Variants in BATF2 observed in about 807,000 individuals in gnomAD.
BATF2 encodes basic leucine zipper ATF-like transcription factor 2.
In BATF2, 4 loss-of-function variants were observed where a neutral mutation model predicts 7.3. The observed-to-expected ratio is 0.55, with a 90% CI of 0.27 to 1.26. The LOEUF is 1.26. BATF2 is among the 50% of genes most tolerant of loss of function. The probability of loss-of-function intolerance (pLI) is 0.11; values close to 1 mark genes in which losing one functional copy is unlikely to be tolerated. For synonymous variants in BATF2, 152 were observed against 153.9 expected, an observed-to-expected ratio of 0.99 and a Z score of 0.09; for missense variants, 295 against 340.5, an observed-to-expected ratio of 0.87 and a Z score of 1.05.
intron 2 of BATF2, among the ~76,000 whole-genome samples, chr11:64,991,176 A>G (rs911043818): frequency 3.9e-5 from 4 of 102,508 alleles, no homozygotes; most frequent in East Asian, 2.8e-4. Flanking sequence ...TTTTTTTTTG[A>G]GACAGAGTTT....
intron 1 of BATF2, among the ~76,000 whole-genome samples, chr11:64,995,874 G>A (rs1406816844): frequency 3.3e-5 from 5 of 152,218 alleles, no homozygotes; most frequent in South Asian, 2.1e-4. Context: ...CAGGACCCAC[G>A]GTGAGTGAAG....
intron 1 of BATF2, among the ~76,000 whole-genome samples, chr11:64,996,622 A>T (rs7115455): frequency 0.13 from 19,601 of 152,214 alleles, 1,591 homozygotes; most frequent in East Asian, 0.26. Context: ...GGAGAGAGCA[A>T]GTACACAGAG....
intron 1 of BATF2, among the ~76,000 whole-genome samples, chr11:64,996,590 T>C (rs527435675): frequency 2.0e-5 from 3 of 152,214 alleles, no homozygotes; most frequent in African/African-American, 7.2e-5. Flanking sequence ...GTGAGTGTAG[T>C]GAGGGGGGAC....
Position 64,989,005 on chromosome 11 carries a change from G to T in BATF2, c.*124C>A. The T allele has an allele frequency of 1.8e-6, 2 of 1,107,820 alleles. No individual in the cohort carries two copies. Among genetic ancestry groups the T allele is most frequent in the South Asian group, 1.4e-5 (1 of 72,986 alleles). The allele number at this position is 1,107,820 out of a possible 1,614,324, so 68.6% of individuals were successfully genotyped here. ...ATCAGTGGTGGCTTCCTTTTCGACT[G>T]TGAAATCCTGGGCCAGCTGGTCAGC... On this transcript the variant is annotated 3_prime_UTR_variant, in exon 3 of 3. Coordinates refer to ENST00000301887, the MANE Select transcript of BATF2 (RefSeq NM_138456.4). This position sits in a 1 kb window ranked among gnomAD's most constrained non-coding sequence, Gnocchi z 4.3.
intron 2 of BATF2, among the ~76,000 whole-genome samples, chr11:64,992,822 C>A (rs761097729): frequency 2.0e-5 from 3 of 149,414 alleles, no homozygotes; most frequent in Non-Finnish European, 4.4e-5. Context: ...GGATCGTGGA[C>A]TGCACTCTAG....
intron 2 of BATF2, among the ~76,000 whole-genome samples, chr11:64,992,866 A>T (rs994475948): frequency 6.6e-6 from 1 of 151,720 alleles, no homozygotes; most frequent in Non-Finnish European, 1.5e-5. Context: ...CTCAAAAAAA[A>T]AAAAGGAAGA....
chr11:64,991,359 G>A (rs140124742), intron 2 of BATF2, among the ~76,000 whole-genome samples: 2,483 of 151,672 alleles, frequency 0.016, 61 homozygotes, highest in African/African-American at 0.057. Flanking sequence ...GTTTCACCAT[G>A]TTGGTCAGGC....
rs1590719976 is a variant in BATF2, at chr11:64,989,917, A to G, written c.142-105T>C. 6.9e-7 allele frequency: 1 copy of G among 1,457,474 alleles called. No homozygotes were observed. Among genetic ancestry groups the G allele is most frequent in the Non-Finnish European group, 9.4e-7 (1 of 1,064,826 alleles). The allele number at this position is 1,457,474 out of a possible 1,614,324, so 90.3% of individuals were successfully genotyped here. ...TCCTCAACTTCAGGAGAAAGATGCC[A>G]CCACCATTGGAATAGCCAAGTGGGG... On this transcript the variant is annotated intron_variant, in intron 2 of 2. Coordinates refer to ENST00000301887, the MANE Select transcript of BATF2 (RefSeq NM_138456.4). This position sits in a 1 kb window ranked among gnomAD's most constrained non-coding sequence, Gnocchi z 4.3.
At chr11:64,991,599 A>AATTTCAAT (rs1441910153) in intron 2 of BATF2, among the ~76,000 whole-genome samples, 1 of 152,164 alleles carries the variant, frequency 6.6e-6, no homozygotes, top group Non-Finnish European at 1.5e-5. Context: ...AAGGAGTAAC[A>AATTTCAAT]ATTTCAATTT....
intron 2 of BATF2, among the ~76,000 whole-genome samples, chr11:64,990,980 C>T (rs537607876): frequency 1.9e-4 from 28 of 151,080 alleles, no homozygotes; most frequent in Non-Finnish European, 2.8e-4. Context: ...TTAGTAGAGA[C>T]GGGGTTTCAC....
chr11:64,995,149 C>G (rs1946101676), intron 1 of BATF2, among the ~76,000 whole-genome samples: 1 of 152,096 alleles, frequency 6.6e-6, no homozygotes, highest in African/African-American at 2.4e-5. Flanking sequence ...TGTGAGCCAC[C>G]GTGCCCAGCC....
intron 2 of BATF2, chr11:64,990,096 AC>A: frequency 1.3e-6 from 2 of 1,535,734 alleles, no homozygotes; most frequent in Non-Finnish European, 8.7e-7. Context: ...CGGGCCTCCA[AC>A]CCGTGTGTCC....
At position 64,994,503 on chromosome 11, in the gene BATF2, G is replaced by A. The variant is rs1216953488; in HGVS notation, c.86C>T (p.Ala29Val). ...CTTCTGCCGGCTTCGCTGGGCGGCT[G>A]CCCGGTTCTTCTGCTTCTTCAGCTG... is the stretch of plus-strand genomic sequence containing the variant. Reference protein sequence around the residue: ...QRQLKKQKNRAAAQRSRQKHT... With the variant: ...QRQLKKQKNRVAAQRSRQKHT... The change falls in exon 2 of 3, where the codon GCA (alanine) becomes GTA (valine). Residue 29 changes from alanine to valine, a missense_variant. Transcript: ENST00000301887. 4.4e-6 allele frequency: 7 copies of A among 1,604,258 alleles called. No individual in the cohort carries two copies. Among genetic ancestry groups the A allele is most frequent in the Admixed American group, 3.4e-5 (2 of 58,346 alleles).
intron 1 of BATF2, among the ~76,000 whole-genome samples, chr11:64,995,750 G>A (rs974399133): frequency 7.2e-5 from 11 of 152,114 alleles, no homozygotes; most frequent in Admixed American, 1.3e-4. Context: ...GGCCCTGGCC[G>A]CCCTGGCTGC....
At position 64,994,565 on chromosome 11, in the gene BATF2, C is replaced by A; in HGVS notation, c.40-16G>T. The A allele has an allele frequency of 6.3e-7, 1 of 1,582,406 alleles. No homozygotes were observed. The highest frequency in any genetic ancestry group is 8.6e-7 in the Non-Finnish European group (1 of 1,164,108). On this transcript the variant is annotated splice_polypyrimidine_tract_variant and intron_variant, in intron 1 of 2. Coordinates refer to ENST00000301887, the MANE Select transcript of BATF2 (RefSeq NM_138456.4). Reference sequence around the variant, plus strand: ...CCTTGGGGTCCTGTGGGGCATGAGGCAGAGGACTCAGGGGGCCCAGCCAGG... The same window carrying A: ...CCTTGGGGTCCTGTGGGGCATGAGGAAGAGGACTCAGGGGGCCCAGCCAGG...
chr11:64,995,794 T>C (rs1447466745), intron 1 of BATF2, among the ~76,000 whole-genome samples: 2 of 152,042 alleles, frequency 1.3e-5, no homozygotes, highest in Non-Finnish European at 1.5e-5. Flanking sequence ...CTGCTCCATA[T>C]GCTCCCTTGG....
At chr11:64,991,536 C>T (rs925200326) in intron 2 of BATF2, among the ~76,000 whole-genome samples, 2 of 152,200 alleles carry the variant, frequency 1.3e-5, no homozygotes, top group African/African-American at 4.8e-5. Context: ...CCTCCAGGAA[C>T]GGAGTCACTC....
chr11:64,989,257 C>A lies in BATF2; in HGVS notation c.697G>T (p.Ala233Ser), dbSNP rs754351061. Residue 233 changes from alanine (A) to serine (S), a missense_variant, in exon 3 of 3, where the codon GCA (alanine) becomes TCA (serine). Ala to Ser is a moderately conservative substitution (Grantham distance 99, BLOSUM62 1). Transcript: ENST00000301887. This position sits in a 1 kb window ranked among gnomAD's most constrained non-coding sequence, Gnocchi z 4.3. Reference sequence around the variant, plus strand: ...TTGTGCTCCCTGCTCTGCAGACGTGCAAGCCCCAGGGCAGAGGAAGGGTTG... The same window carrying A: ...TTGTGCTCCCTGCTCTGCAGACGTGAAAGCCCCAGGGCAGAGGAAGGGTTG... ...PDNPSSALGL[A>S]RLQSREHKPA... The A allele has an allele frequency of 6.2e-7, 1 of 1,611,618 alleles. No homozygotes were observed. Among genetic ancestry groups the A allele is most frequent in the Non-Finnish European group, 8.5e-7 (1 of 1,178,654 alleles).
chr11:64,996,764 A>G lies in BATF2; in HGVS notation c.39+112T>C, dbSNP rs536335598. On this transcript the variant is annotated intron_variant, in intron 1 of 2. Transcript: ENST00000301887. Reference sequence around the variant, plus strand: ...TGCAGAGCCCTCTGTCACACTGCTCAGAGTATAGAGCTGGGACTAGGAGCT... The same window carrying G: ...TGCAGAGCCCTCTGTCACACTGCTCGGAGTATAGAGCTGGGACTAGGAGCT... The G allele has an allele frequency of 1.7e-5, 22 of 1,316,074 alleles. No homozygotes were observed. The Admixed American group carries it at 4.4e-4, about 26-fold the overall frequency. 81.5% of individuals were successfully genotyped at this position (1,316,074 alleles called of 1,614,324 possible).
Sources: gnomAD v4.1 joint callset for allele counts (sites outside exome capture counted in the v4.1 genomes callset) on GRCh38, gnomAD v4.1.1 for gene constraint, Gnocchi (gnomAD v3.1) non-coding constraint, MANE v1.5 for transcripts, NCBI Gene and HGNC (gene_info 2026-07-23, HGNC 2026-07-21) for gene names.